MCF2: variants seen among roughly 807,000 people sequenced by gnomAD.
The protein encoded by MCF2 is proto-oncogene DBL.
Under a neutral mutation model 82.5 loss-of-function variants are expected in MCF2, and 44 were observed. That is an observed-to-expected ratio of 0.53 (90% CI 0.42 to 0.69). The LOEUF (loss-of-function observed/expected upper bound fraction) is 0.69, where lower values mean the gene tolerates loss of function less well. Ranked by LOEUF, MCF2 falls within the 30% of genes least tolerant of loss-of-function variation. MCF2 has a pLI of 0.00. For synonymous variants in MCF2, 217 were observed against 224.9 expected (o/e 0.96, Z 0.32); for missense variants, 623 against 663.1 (o/e 0.94, Z 0.66).
chrX:139,588,711 G>T (rs1306782847), intron 20 of MCF2, among the ~76,000 whole-genome samples: 1 of 109,545 alleles, frequency 9.1e-6, no homozygotes, highest in Non-Finnish European at 1.9e-5. Context: ...AGGAGTTTGA[G>T]ACCAGCCTGG....
chrX:139,662,042 T>C (rs1934369673), intron 1 of MCF2, among the ~76,000 whole-genome samples: 1 of 111,317 alleles, frequency 9.0e-6, no homozygotes, highest in African/African-American at 3.3e-5. Flanking sequence ...CACTAAGGAA[T>C]TTACACACAG....
intron 11 of MCF2, among the ~76,000 whole-genome samples, chrX:139,608,925 G>A (rs763350298): frequency 1.8e-5 from 2 of 111,707 alleles, no homozygotes; most frequent in Non-Finnish European, 3.8e-5. Context: ...ACCAGGCTTC[G>A]TGTATCAGTA....
intron 1 of MCF2, among the ~76,000 whole-genome samples, chrX:139,673,133 T>C (rs1405926859): frequency 1.8e-5 from 2 of 111,964 alleles, no homozygotes; most frequent in African/African-American, 3.3e-5. Flanking sequence ...CTAATGGTAG[T>C]TTGTATTTCT....
At chrX:139,618,419 C>T (rs1217466880) in intron 7 of MCF2, among the ~76,000 whole-genome samples, 3 of 110,337 alleles carry the variant, frequency 2.7e-5, no homozygotes, top group African/African-American at 9.9e-5. Context: ...CACAACAACG[C>T]GAATTTACTT....
intron 1 of MCF2, among the ~76,000 whole-genome samples, chrX:139,671,799 T>G (rs1934704447): frequency 8.9e-6 from 1 of 112,150 alleles, no homozygotes; most frequent in Non-Finnish European, 1.9e-5. Context: ...CAATGGAGGC[T>G]CTTTTTTGGT....
chrX:139,665,897 G>GTA (rs761065038), intron 1 of MCF2, among the ~76,000 whole-genome samples: 4,666 of 68,227 alleles, frequency 0.068, 136 homozygotes, highest in African/African-American at 0.075. Context: ...AGGTGTGTGT[G>GTA]TATATATATA....
chrX:139,604,579 A>G lies in MCF2; in HGVS notation c.1743+102T>C, dbSNP rs191518481. The G allele has an allele frequency of 1.7e-3, 830 of 498,868 alleles. 8 individuals carry two copies. In the African/African-American group the frequency reaches 0.019, roughly 11 times the overall value. 41.1% of individuals were successfully genotyped at this position (498,868 alleles called of 1,213,427 possible). A position where few individuals can be genotyped will look rare whatever the true frequency, so the allele number is the denominator to read the frequency against. ...AGTAATGTGTCCTCTCCAAAAACAT[A>G]AAGACATAAAGTACCTATCTTGTCT... On this transcript the variant is annotated intron_variant, in intron 15 of 24. Coordinates refer to ENST00000370576, the Ensembl canonical transcript of MCF2.
rs191265661 is a variant in MCF2, at chrX:139,672,770, A to C, written c.-44-20982T>G. On this transcript the variant is annotated intron_variant, in intron 1 of 27. Transcript: ENST00000414978. ...ATATTCATCAGGGATATTAGCCTAA[A>C]ATTCTCTTTTTTTGTTGTGTCTCTG... 2.7e-5 allele frequency among the ~76,000 whole-genome samples: 3 copies of C among 111,962 alleles called. No individual in the cohort carries two copies. In the East Asian group the frequency reaches 8.4e-4, roughly 31 times the overall value.
intron 2 of MCF2, among the ~76,000 whole-genome samples, chrX:139,648,751 C>T (rs1933892696): frequency 8.9e-6 from 1 of 112,118 alleles, no homozygotes. Context: ...CAAAACAAAG[C>T]TGTCTAATAT....
Position 139,632,389 on chromosome X carries a change from C to T in MCF2, c.117G>A (p.Thr39=), listed in dbSNP as rs146379496. Reference sequence around the variant, plus strand: ...TAAACCAAAATCCAATGTCTGTGAACGTTCGTTGAAGAAAGCTGGTAGGAC... The same window carrying T: ...TAAACCAAAATCCAATGTCTGTGAATGTTCGTTGAAGAAAGCTGGTAGGAC... Residue 39 remains threonine (T), a synonymous_variant, in exon 2 of 25, where the codon ACG becomes ACA. Transcript: ENST00000370576. 1.8e-3 allele frequency: 2,212 copies of T among 1,199,253 alleles called. 31 individuals are homozygous for T. The African/African-American group carries it at 0.035, about 19-fold the overall frequency.
chrX:139,669,698 G>A (rs1934625767), intron 1 of MCF2, among the ~76,000 whole-genome samples: 1 of 111,985 alleles, frequency 8.9e-6, no homozygotes, highest in Non-Finnish European at 1.9e-5. Context: ...CCATACAGTG[G>A]AAAATTATTT....
chrX:139,677,879 T>G (rs1445514249), intron 1 of MCF2, among the ~76,000 whole-genome samples: 3 of 112,119 alleles, frequency 2.7e-5, no homozygotes, highest in Non-Finnish European at 5.6e-5. Context: ...TAAATCCTTT[T>G]CAGCCAGGCA....
At chrX:139,614,202 T>C (rs1226123752) in intron 10 of MCF2, among the ~76,000 whole-genome samples, 3 of 111,449 alleles carry the variant, frequency 2.7e-5, no homozygotes, top group East Asian at 5.7e-4. Context: ...ATAAGGACAA[T>C]TATTATTTCC....
At chrX:139,610,216 G>T in intron 11 of MCF2, 85 bp downstream of exon 15, 2 of 595,603 alleles carry the variant, frequency 3.4e-6, no homozygotes, top group Non-Finnish European at 5.3e-6. Flanking sequence ...TATTTGTCTA[G>T]TGAATGAAAC....
chrX:139,651,392 A>T (rs1255135444), intron 2 of MCF2, among the ~76,000 whole-genome samples: 2 of 110,858 alleles, frequency 1.8e-5, no homozygotes, highest in Non-Finnish European at 3.8e-5. Flanking sequence ...CTCCCCTCCC[A>T]CCCAGCCTGC....
At chrX:139,589,811 T>C in intron 20 of MCF2, 24 bp downstream of exon 24, 2 of 1,076,259 alleles carry the variant, frequency 1.9e-6, no homozygotes, top group Non-Finnish European at 2.5e-6. Context: ...TTTGGGTTTC[T>C]AGAAGAATTT....
At chrX:139,685,600 G>A (rs747963679) in intron 1 of MCF2, among the ~76,000 whole-genome samples, 3 of 110,979 alleles carry the variant, frequency 2.7e-5, no homozygotes, top group Non-Finnish European at 5.7e-5. Flanking sequence ...CGGGGAGCTC[G>A]GCTCTTGAGA....
At chrX:139,593,539 G>A (rs1450024428) in intron 19 of MCF2, among the ~76,000 whole-genome samples, 2 of 110,780 alleles carry the variant, frequency 1.8e-5, no homozygotes, top group Non-Finnish European at 3.8e-5. Context: ...CATTTTATGA[G>A]GCCAGCATCA....
intron 1 of MCF2, among the ~76,000 whole-genome samples, chrX:139,634,531 T>C (rs1039270551): frequency 1.8e-5 from 2 of 111,644 alleles, no homozygotes; most frequent in African/African-American, 3.3e-5. Flanking sequence ...AGAACTAGAG[T>C]AAATGAAAGA....
Sources: gnomAD v4.1 joint callset for allele counts (sites outside exome capture counted in the v4.1 genomes callset) on GRCh38, gnomAD v4.1.1 for gene constraint, MANE v1.5 for transcripts, NCBI Gene and HGNC (gene_info 2026-07-23, HGNC 2026-07-21) for gene names.